Variants in SUSD1 observed in about 807,000 individuals in gnomAD.
The protein encoded by SUSD1 is sushi domain containing 1, also known as sushi domain-containing protein 1.
SUSD1 carries 65 observed loss-of-function variants against 86.9 expected under a neutral mutation model. The observed-to-expected ratio is 0.75, with a 90% CI of 0.61 to 0.92. The LOEUF is 0.92. Ranked by LOEUF, SUSD1 falls within the 40% of genes least tolerant of loss-of-function variation. SUSD1 has a pLI of 0.00. For missense variants in SUSD1, 850 were observed against 929.7 expected (o/e 0.91, Z 1.11); for synonymous variants, 346 against 350.0 (o/e 0.99, Z 0.13).
intron 12 of SUSD1, among the ~76,000 whole-genome samples, chr9:112,075,817 AGAGTACTAGCGTG>A (rs1449992574): frequency 6.6e-6 from 1 of 152,234 alleles, no homozygotes; most frequent in African/African-American, 2.4e-5. Context: ...AAGTAGATAC[AGAGTACTAGCGTG>A]GAGGCTGGTG....
intron 15 of SUSD1, among the ~76,000 whole-genome samples, chr9:112,047,434 G>A (rs948869716): frequency 6.6e-6 from 1 of 152,192 alleles, no homozygotes; most frequent in African/African-American, 2.4e-5. Context: ...CAAGGTCTCA[G>A]GTGGACTGAA....
intron 12 of SUSD1, among the ~76,000 whole-genome samples, chr9:112,076,981 C>T (rs999091184): frequency 5.3e-5 from 8 of 152,176 alleles, no homozygotes; most frequent in African/African-American, 1.9e-4. Context: ...AAAGTGAGAA[C>T]AGGAGGTAGG....
At chr9:112,129,173 A>G (rs1831909346) in intron 5 of SUSD1, among the ~76,000 whole-genome samples, 1 of 152,134 alleles carries the variant, frequency 6.6e-6, no homozygotes, top group South Asian at 2.1e-4. Flanking sequence ...TGGATTTGTG[A>G]TGTATTCTGG....
chr9:112,044,178 C>T (rs1827860710), intron 15 of SUSD1, among the ~76,000 whole-genome samples: 1 of 152,168 alleles, frequency 6.6e-6, no homozygotes, highest in Non-Finnish European at 1.5e-5. Flanking sequence ...AGGAGAGTGA[C>T]TTGAATTGCA....
chr9:112,155,789 C>T (rs1041943169), intron 2 of SUSD1, among the ~76,000 whole-genome samples: 2 of 149,780 alleles, frequency 1.3e-5, no homozygotes, highest in African/African-American at 5.0e-5. Context: ...TAGTGAGACC[C>T]TGTATCTACT....
At chr9:112,160,271 G>C (rs1048355640) in intron 1 of SUSD1, among the ~76,000 whole-genome samples, 7 of 152,184 alleles carry the variant, frequency 4.6e-5, no homozygotes, top group African/African-American at 1.7e-4. Context: ...AGGCTGGGCG[G>C]AGTGGCTCAC....
intron 1 of SUSD1, among the ~76,000 whole-genome samples, chr9:112,165,438 C>G (rs978037771): frequency 9.5e-5 from 11 of 115,194 alleles, no homozygotes; most frequent in African/African-American, 2.8e-4. Flanking sequence ...GAGACAAGGT[C>G]TCGCTCTGTC....
chr9:112,080,555 G>A (rs527726156), intron 10 of SUSD1, among the ~76,000 whole-genome samples: 3 of 152,234 alleles, frequency 2.0e-5, no homozygotes, highest in East Asian at 3.9e-4. Context: ...GGGCGTGGTG[G>A]TGTGTGCCTG....
chr9:112,097,027 A>AG (rs397823738), intron 10 of SUSD1, among the ~76,000 whole-genome samples: 1 of 151,730 alleles, frequency 6.6e-6, no homozygotes, highest in Non-Finnish European at 1.5e-5. Context: ...GATAAAAAAA[A>AG]TAGGATAAAA....
In SUSD1 at chr9:112,103,014, G is replaced by C. The variant is rs1178620495; in HGVS notation, c.1172-729C>G. On this transcript the variant is annotated intron_variant, in intron 8 of 16. Transcript: ENST00000374270. ...AATTAAAGAAATAACAGAGAGTCAGGAATAATATCAGTGATTTTCAAGAAA... is the reference window on the plus strand; with the variant it reads ...AATTAAAGAAATAACAGAGAGTCAGCAATAATATCAGTGATTTTCAAGAAA... The C allele has an allele frequency of 1.1e-5, 4 of 350,456 alleles. No homozygotes were observed. The East Asian group carries it at 3.3e-4, about 29-fold the overall frequency. The allele number at this position is 350,456 out of a possible 1,614,324, so 21.7% of individuals were successfully genotyped here. A position where few individuals can be genotyped will look rare whatever the true frequency, so the allele number is the denominator to read the frequency against.
intron 14 of SUSD1, among the ~76,000 whole-genome samples, chr9:112,053,153 T>C (rs1035724596): frequency 1.1e-4 from 16 of 152,186 alleles, no homozygotes; most frequent in African/African-American, 3.9e-4. Flanking sequence ...AGAGTCTCTT[T>C]CAAATGACAG....
intron 1 of SUSD1, among the ~76,000 whole-genome samples, chr9:112,174,751 G>A (rs1329705035): frequency 6.6e-6 from 1 of 152,158 alleles, no homozygotes; most frequent in Non-Finnish European, 1.5e-5. Context: ...CGCAGAGCCG[G>A]AAGCGTGACA....
intron 15 of SUSD1, among the ~76,000 whole-genome samples, chr9:112,044,773 C>T (rs1317155317): frequency 6.6e-6 from 1 of 152,120 alleles, no homozygotes; most frequent in Admixed American, 6.5e-5. Context: ...TATTCGTTAA[C>T]ACAGAAACCT....
At chr9:112,051,114 T>G (rs1306840538) in intron 15 of SUSD1, among the ~76,000 whole-genome samples, 1 of 152,250 alleles carries the variant, frequency 6.6e-6, no homozygotes, top group East Asian at 1.9e-4. Flanking sequence ...TGTACATTGC[T>G]TTATCTTTTC....
intron 12 of SUSD1, among the ~76,000 whole-genome samples, chr9:112,075,157 A>G (rs1377936597): frequency 6.6e-6 from 1 of 152,208 alleles, no homozygotes; most frequent in Non-Finnish European, 1.5e-5. Flanking sequence ...GTCACCACAG[A>G]AAGAAATGCC....
At chr9:112,062,349 G>A (rs562647242) in intron 13 of SUSD1, among the ~76,000 whole-genome samples, 18 of 152,294 alleles carry the variant, frequency 1.2e-4, no homozygotes, top group African/African-American at 3.6e-4. Context: ...AGGAATGGAT[G>A]TAATTTCTTG....
rs181367532 is a variant in SUSD1 at position 112,062,303 on chromosome 9, G to A, written c.1850+634C>T. Reference sequence around the variant, plus strand: ...TGAGTGCAAAGGACAATCCTGACATGTCCTAACATGCAACCGACGTTTACC... The same window carrying A: ...TGAGTGCAAAGGACAATCCTGACATATCCTAACATGCAACCGACGTTTACC... On this transcript the variant is annotated intron_variant, in intron 13 of 16. Transcript: ENST00000374270. Among the ~76,000 whole-genome samples the A allele has an allele frequency of 8.7e-4, 132 of 152,282 alleles. 1 individual carries two copies. The highest frequency in any genetic ancestry group is 1.6e-3 in the Non-Finnish European group (108 of 68,038).
At chr9:112,059,806 C>T (rs1354735237) in intron 13 of SUSD1, among the ~76,000 whole-genome samples, 2 of 152,194 alleles carry the variant, frequency 1.3e-5, no homozygotes, top group Non-Finnish European at 2.9e-5. Context: ...TCCCATCTAT[C>T]TGGTACTTAG....
At chr9:112,089,695 C>T (rs532902820) in intron 10 of SUSD1, among the ~76,000 whole-genome samples, 1 of 151,586 alleles carries the variant, frequency 6.6e-6, no homozygotes, top group African/African-American at 2.4e-5. Flanking sequence ...GCCTGTAGTC[C>T]CATCTACTCG....
Sources: allele counts gnomAD v4.1 joint callset (sites outside exome capture counted in the v4.1 genomes callset), GRCh38; gene constraint gnomAD v4.1.1; transcripts MANE v1.5; gene names NCBI Gene and HGNC (gene_info 2026-07-23, HGNC 2026-07-21).